PDZRN4: variants seen among roughly 807,000 people sequenced by gnomAD.
PDZRN4 encodes PDZ domain-containing RING finger protein 4.
Under a neutral mutation model 99.0 loss-of-function variants are expected in PDZRN4, and 70 were observed. The observed-to-expected ratio is 0.71, with a 90% CI of 0.58 to 0.86. PDZRN4 has a LOEUF of 0.86. Ranked by LOEUF, PDZRN4 falls within the 40% of genes least tolerant of loss-of-function variation. The probability of loss-of-function intolerance (pLI) is 0.00; values close to 1 mark genes in which losing one functional copy is unlikely to be tolerated. For synonymous variants in PDZRN4, 551 were observed against 501.6 expected (o/e 1.10, Z -1.32); for missense variants, 1,474 against 1,331.2 (o/e 1.11, Z -1.67).
intron 3 of PDZRN4, among the ~76,000 whole-genome samples, chr12:41,406,550 G>A (rs1952351514): frequency 6.6e-6 from 1 of 152,052 alleles, no homozygotes; most frequent in Non-Finnish European, 1.5e-5. Flanking sequence ...CCCAAATTGA[G>A]GAAGAGACCT....
chr12:41,326,429 CA>C (rs1465663228), intron 3 of PDZRN4, among the ~76,000 whole-genome samples: 1 of 152,136 alleles, frequency 6.6e-6, no homozygotes, highest in Non-Finnish European at 1.5e-5. Context: ...AAATAAACTT[CA>C]AATTCCATTA....
chr12:41,191,777 TTTATTTATTTTG>T (rs1215744127), intron 2 of PDZRN4, among the ~76,000 whole-genome samples: 8 of 18,516 alleles, frequency 4.3e-4, no homozygotes, highest in African/African-American at 7.1e-4. Context: ...TATTTATTTA[TTTATTTATTTTG>T]TTTGTTTGTT....
chr12:41,447,002 G>A (rs1189571727), intron 3 of PDZRN4, among the ~76,000 whole-genome samples: 2 of 152,008 alleles, frequency 1.3e-5, no homozygotes, highest in African/African-American at 4.8e-5. Flanking sequence ...CTGGACTAAA[G>A]CAGGATATGG....
At chr12:41,497,431 T>C (rs1347358335) in intron 3 of PDZRN4, among the ~76,000 whole-genome samples, 1 of 152,122 alleles carries the variant, frequency 6.6e-6, no homozygotes, top group African/African-American at 2.4e-5. Flanking sequence ...AATACTTGGG[T>C]CTGATATGTC....
At chr12:41,200,111 G>A (rs1950804359) in intron 3 of PDZRN4, among the ~76,000 whole-genome samples, 1 of 152,116 alleles carries the variant, frequency 6.6e-6, no homozygotes, top group Admixed American at 6.6e-5. Context: ...TGTCCTCCTA[G>A]AAGTTAGTTT....
At chr12:41,328,196 G>A (rs1951721952) in intron 3 of PDZRN4, among the ~76,000 whole-genome samples, 1 of 152,016 alleles carries the variant, frequency 6.6e-6, no homozygotes, top group Non-Finnish European at 1.5e-5. Flanking sequence ...TTTGATCAGA[G>A]TCATTGACTT....
intron 3 of PDZRN4, among the ~76,000 whole-genome samples, chr12:41,370,015 A>G (rs923982278): frequency 2.6e-5 from 4 of 151,882 alleles, no homozygotes; most frequent in African/African-American, 9.7e-5. Flanking sequence ...ATTTCTCTCA[A>G]AGGACCTCAG....
intron 3 of PDZRN4, among the ~76,000 whole-genome samples, chr12:41,297,994 T>A (rs77414327): frequency 0.013 from 1,990 of 152,266 alleles, 37 homozygotes; most frequent in African/African-American, 0.044. Context: ...AGCTTTGAAA[T>A]CTCCCAAAGT....
At chr12:41,350,528 GA>G (rs1337106263) in intron 3 of PDZRN4, among the ~76,000 whole-genome samples, 3 of 151,988 alleles carry the variant, frequency 2.0e-5, no homozygotes, top group African/African-American at 7.2e-5. Flanking sequence ...ACATTTTAGT[GA>G]AAAAATGCAA....
intron 3 of PDZRN4, among the ~76,000 whole-genome samples, chr12:41,388,836 G>T (rs1952190671): frequency 6.6e-6 from 1 of 152,204 alleles, no homozygotes; most frequent in South Asian, 2.1e-4. Context: ...CAAATATTAG[G>T]TATCTTTTTT....
chr12:41,312,926 G>T (rs554844178), intron 3 of PDZRN4, among the ~76,000 whole-genome samples: 4 of 152,046 alleles, frequency 2.6e-5, no homozygotes, highest in South Asian at 2.1e-4. Context: ...TGGCCAAATC[G>T]CACTGCCCTT....
intron 5 of PDZRN4, among the ~76,000 whole-genome samples, chr12:41,547,771 A>G (rs1235974318): frequency 6.6e-6 from 1 of 152,170 alleles, no homozygotes; most frequent in African/African-American, 2.4e-5. Flanking sequence ...TTCCTCCCCC[A>G]TTAACAGTAG....
intron 5 of PDZRN4, among the ~76,000 whole-genome samples, chr12:41,538,681 A>G (rs1313201457): frequency 1.3e-5 from 2 of 152,174 alleles, no homozygotes; most frequent in African/African-American, 4.8e-5. Context: ...CATTTTTAAT[A>G]AATAAATACA....
At chr12:41,241,744 G>T (rs1353869468) in intron 3 of PDZRN4, among the ~76,000 whole-genome samples, 1 of 151,996 alleles carries the variant, frequency 6.6e-6, no homozygotes, top group African/African-American at 2.4e-5. Context: ...AATATTAAAA[G>T]TGTTTATTAG....
chr12:41,265,599 C>T (rs1038346690), intron 3 of PDZRN4, among the ~76,000 whole-genome samples: 6 of 152,260 alleles, frequency 3.9e-5, no homozygotes, highest in East Asian at 3.9e-4. Context: ...CTGCTTTCTT[C>T]GAAATCTATG....
chr12:41,281,495 A>G (rs1951385523), intron 3 of PDZRN4, among the ~76,000 whole-genome samples: 1 of 152,216 alleles, frequency 6.6e-6, no homozygotes, highest in African/African-American at 2.4e-5. Context: ...ATTGCTAACT[A>G]GAATAACCAG....
At chr12:41,524,571 A>G (rs1193053999) in intron 5 of PDZRN4, among the ~76,000 whole-genome samples, 6 of 152,114 alleles carry the variant, frequency 3.9e-5, no homozygotes, top group African/African-American at 1.4e-4. Flanking sequence ...CTACGCAAAG[A>G]AAAAGGCCAG....
chr12:41,226,813 G>A (rs1383332149), intron 3 of PDZRN4, among the ~76,000 whole-genome samples: 1 of 152,138 alleles, frequency 6.6e-6, no homozygotes, highest in Non-Finnish European at 1.5e-5. Flanking sequence ...CAAATAATCA[G>A]TGGCCAGATA....
At chr12:41,232,565 G>C (rs1951035254) in intron 3 of PDZRN4, among the ~76,000 whole-genome samples, 1 of 152,078 alleles carries the variant, frequency 6.6e-6, no homozygotes, top group Non-Finnish European at 1.5e-5. Context: ...GTAGATTCTG[G>C]ATATTAACCC....
Sources: gnomAD v4.1 joint callset for allele counts (sites outside exome capture counted in the v4.1 genomes callset) on GRCh38, gnomAD v4.1.1 for gene constraint, MANE v1.5 for transcripts, NCBI Gene and HGNC (gene_info 2026-07-23, HGNC 2026-07-21) for gene names.